BACH2: variants seen among roughly 807,000 people sequenced by gnomAD.
The protein encoded by BACH2 is BACH transcriptional regulator 2.
In BACH2, 5 loss-of-function variants were observed where a neutral mutation model predicts 61.8. The ratio of observed to expected loss-of-function variants is 0.08; its 90% CI spans 0.04 to 0.17. The LOEUF (loss-of-function observed/expected upper bound fraction) is 0.17, where lower values mean the gene tolerates loss of function less well. Ranked by LOEUF, BACH2 falls within the 10% of genes least tolerant of loss-of-function variation. The pLI, the probability that BACH2 is intolerant of heterozygous loss-of-function variation, is 1.00. For missense variants in BACH2, 824 were observed against 1,091.1 expected, an observed-to-expected ratio of 0.76 and a Z score of 3.45; for synonymous variants, 446 against 440.1, an observed-to-expected ratio of 1.01 and a Z score of -0.17.
chr6:90,207,886 T>C (rs1465173814), intron 3 of BACH2, among the ~76,000 whole-genome samples: 4 of 152,200 alleles, frequency 2.6e-5, no homozygotes, highest in Admixed American at 2.6e-4. Flanking sequence ...CTTTCACTGC[T>C]AAGAAAATGA....
rs553477257 is a variant in BACH2 at position 90,219,584 on chromosome 6, C to T, written c.-274-12903G>A. Among the ~76,000 whole-genome samples the T allele has an allele frequency of 3.9e-5, 6 of 152,338 alleles. No homozygotes were observed. The East Asian group carries it at 1.2e-3, about 29-fold the overall frequency. ...GGCAGCGGCAGAGCCATTAAGAATG[C>T]ACAGCTGTATTGTAAACACGCCAGA... On this transcript the variant is annotated intron_variant, in intron 3 of 8. Coordinates refer to ENST00000257749, the MANE Select transcript of BACH2 (RefSeq NM_021813.4).
chr6:90,240,263 G>A (rs1770406422), intron 3 of BACH2, among the ~76,000 whole-genome samples: 1 of 151,958 alleles, frequency 6.6e-6, no homozygotes, highest in Admixed American at 6.6e-5. Context: ...TTTAACACAT[G>A]TTAATCCTTT....
chr6:89,971,748 G>A (rs1271082231), intron 6 of BACH2, among the ~76,000 whole-genome samples: 1 of 152,196 alleles, frequency 6.6e-6, no homozygotes, highest in Non-Finnish European at 1.5e-5. Context: ...TGAGAGCCAA[G>A]CGAACAGGGA....
chr6:90,249,327 A>C (rs933516905), intron 3 of BACH2, among the ~76,000 whole-genome samples: 2 of 152,184 alleles, frequency 1.3e-5, no homozygotes, highest in Non-Finnish European at 2.9e-5. Flanking sequence ...GCTTCCTGTC[A>C]TCTTCCTCCC....
At chr6:90,087,398 A>C (rs1781977973) in intron 5 of BACH2, among the ~76,000 whole-genome samples, 1 of 152,218 alleles carries the variant, frequency 6.6e-6, no homozygotes, top group Non-Finnish European at 1.5e-5. Context: ...TCAATGAAAC[A>C]AAAGAAAAAA....
intron 4 of BACH2, chr6:90,116,809 T>C (rs950548358): frequency 3.6e-5 from 18 of 503,236 alleles, no homozygotes; most frequent in Non-Finnish European, 6.0e-5. Context: ...GATACACTTC[T>C]ATGTAGAGGT....
chr6:90,272,387 C>G lies in BACH2; in HGVS notation c.-445-446G>C, dbSNP rs1771553514. 2.0e-5 allele frequency among the ~76,000 whole-genome samples: 3 copies of G among 152,164 alleles called. No homozygotes were observed. The South Asian group carries it at 6.2e-4, about 32-fold the overall frequency. ...TTTTTAAGGCCCTGGGTTTTTCTCT[C>G]TCCCTCAGAAATCGTCTGTTCCCAG... On this transcript the variant is annotated intron_variant, in intron 1 of 8. Coordinates refer to ENST00000257749, the MANE Select transcript of BACH2 (RefSeq NM_021813.4).
At chr6:90,235,645 C>G (rs1770236791) in intron 3 of BACH2, among the ~76,000 whole-genome samples, 2 of 152,172 alleles carry the variant, frequency 1.3e-5, no homozygotes, top group African/African-American at 2.4e-5. Flanking sequence ...TAGTGAGACC[C>G]TGTCTCTAAA....
intron 4 of BACH2, among the ~76,000 whole-genome samples, chr6:90,132,114 A>G (rs1784099142): frequency 1.3e-5 from 2 of 152,226 alleles, no homozygotes; most frequent in African/African-American, 4.8e-5. Flanking sequence ...AAATGGATAC[A>G]ACAATGTGGT....
At chr6:90,219,688 A>G (rs1769671264) in intron 3 of BACH2, among the ~76,000 whole-genome samples, 1 of 152,186 alleles carries the variant, frequency 6.6e-6, no homozygotes, top group South Asian at 2.1e-4. Context: ...CACTTGATCC[A>G]GCATGTTAAA....
intron 5 of BACH2, among the ~76,000 whole-genome samples, chr6:90,032,901 T>G (rs1338580809): frequency 6.6e-6 from 1 of 152,168 alleles, no homozygotes; most frequent in African/African-American, 2.4e-5. Flanking sequence ...TTAAGACACA[T>G]GCACATGTAT....
chr6:90,012,802 A>C (rs1777798071), intron 5 of BACH2, among the ~76,000 whole-genome samples: 1 of 151,822 alleles, frequency 6.6e-6, no homozygotes, highest in Admixed American at 6.5e-5. Flanking sequence ...AGTAGCTGGA[A>C]TTAAAGAGGC....
At chr6:90,078,357 C>T (rs1356077530) in intron 5 of BACH2, among the ~76,000 whole-genome samples, 1 of 152,076 alleles carries the variant, frequency 6.6e-6, no homozygotes, top group Non-Finnish European at 1.5e-5. Flanking sequence ...ACTGAATATG[C>T]TCAACACAGC....
At chr6:89,955,803 CTG>C (rs1013156530) in intron 6 of BACH2, among the ~76,000 whole-genome samples, 1 of 152,140 alleles carries the variant, frequency 6.6e-6, no homozygotes, top group Non-Finnish European at 1.5e-5. Context: ...GTTCATGAAA[CTG>C]TGACCACAAG....
At chr6:90,231,999 G>GAC (rs1770115274) in intron 3 of BACH2, among the ~76,000 whole-genome samples, 13 of 151,968 alleles carry the variant, frequency 8.6e-5, no homozygotes, top group South Asian at 2.1e-4. Flanking sequence ...GAGAGAGAGA[G>GAC]AGAGAGAGAG....
chr6:90,020,510 AG>A (rs1778314971), intron 5 of BACH2, among the ~76,000 whole-genome samples: 1 of 152,096 alleles, frequency 6.6e-6, no homozygotes, highest in South Asian at 2.1e-4. Flanking sequence ...TTCTGCAGAC[AG>A]TCCTCATCAG....
At chr6:89,937,438 T>C (rs1428586585) in intron 8 of BACH2, among the ~76,000 whole-genome samples, 1 of 152,198 alleles carries the variant, frequency 6.6e-6, no homozygotes, top group African/African-American at 2.4e-5. Context: ...AGTGCCTGAG[T>C]CATAGCGTTC....
intron 6 of BACH2, among the ~76,000 whole-genome samples, chr6:89,999,390 C>T (rs539772029): frequency 3.0e-4 from 46 of 151,472 alleles, no homozygotes; most frequent in African/African-American, 1.0e-3. Flanking sequence ...GCTGCCAGTT[C>T]GTGCTGGCGT....
Position 89,995,251 on chromosome 6 carries a change from AT to A in BACH2, c.243+13350del, listed in dbSNP as rs1290247182. 1.2e-4 allele frequency among the ~76,000 whole-genome samples: 16 copies of A among 135,974 alleles called. 1 individual carries two copies. The highest frequency in any genetic ancestry group is 5.3e-4 in the Admixed American group (7 of 13,168). 89.2% of individuals were successfully genotyped at this position (135,974 alleles called of 152,430 possible). ...ACCCTCACCCTCCCACCCCACCACCATCCCCCGACCCCAGATTTGTCCCTTT... is the reference window on the plus strand; with the variant it reads ...ACCCTCACCCTCCCACCCCACCACCACCCCCGACCCCAGATTTGTCCCTTT... On this transcript the variant is annotated intron_variant, in intron 6 of 8. Coordinates refer to ENST00000257749, the MANE Select transcript of BACH2 (RefSeq NM_021813.4).
Sources: gnomAD v4.1 joint callset for allele counts (sites outside exome capture counted in the v4.1 genomes callset) on GRCh38, gnomAD v4.1.1 for gene constraint, MANE v1.5 for transcripts, NCBI Gene and HGNC (gene_info 2026-07-23, HGNC 2026-07-21) for gene names.